CNGB3: variants seen among roughly 807,000 people sequenced by gnomAD.
The protein encoded by CNGB3 is cyclic nucleotide gated channel subunit beta 3.
A neutral mutation model predicts 92.8 loss-of-function variants in CNGB3; 86 were observed. That is an observed-to-expected ratio of 0.93 (90% CI 0.78 to 1.11). The LOEUF is 1.11. Ranked by LOEUF, CNGB3 falls within the 50% of genes least tolerant of loss-of-function variation. The pLI is 0.00. For missense variants in CNGB3, 1,026 were observed against 956.8 expected (o/e 1.07, Z -0.95); for synonymous variants, 333 against 332.7 (o/e 1.00, Z -0.01).
At chr8:86,586,215 C>G (rs188943450) in intron 15 of CNGB3, among the ~76,000 whole-genome samples, 1 of 152,180 alleles carries the variant, frequency 6.6e-6, no homozygotes, top group Non-Finnish European at 1.5e-5. Context: ...TGATTAACAC[C>G]TGCCCTCAAG....
rs1241473966 is a variant in CNGB3, at chr8:86,729,466, T to C, written c.212-2809A>G. ...TAGCTATTACCAAGCCTTTCTAAAT[T>C]GATCCTGCCTCTATTTTGACAAGCC... On this transcript the variant is annotated intron_variant, in intron 2 of 17. Coordinates refer to ENST00000320005, the MANE Select transcript of CNGB3 (RefSeq NM_019098.5). Among the ~76,000 whole-genome samples, 4 of 152,352 alleles carry C rather than the reference T, an allele frequency of 2.6e-5. No individual in the cohort carries two copies. The East Asian group carries it at 7.7e-4, about 29-fold the overall frequency.
chr8:86,699,442 G>A (rs1415664902), intron 3 of CNGB3, among the ~76,000 whole-genome samples: 1 of 152,050 alleles, frequency 6.6e-6, no homozygotes, highest in Non-Finnish European at 1.5e-5. Flanking sequence ...TTTGAGACCA[G>A]CCTGGGCAAC....
intron 3 of CNGB3, among the ~76,000 whole-genome samples, chr8:86,718,901 C>T (rs771673457): frequency 8.6e-5 from 13 of 151,914 alleles, no homozygotes; most frequent in Non-Finnish European, 1.3e-4. Context: ...ATCACATAAA[C>T]GGGATTAAAA....
At chr8:86,718,492 C>T (rs746343278) in intron 3 of CNGB3, among the ~76,000 whole-genome samples, 6 of 151,928 alleles carry the variant, frequency 3.9e-5, no homozygotes, top group Non-Finnish European at 8.8e-5. Flanking sequence ...TCTGAACAGA[C>T]CAATAACAAG....
chr8:86,723,461 T>C (rs1825008874), intron 3 of CNGB3, among the ~76,000 whole-genome samples: 1 of 152,156 alleles, frequency 6.6e-6, no homozygotes, highest in East Asian at 1.9e-4. Context: ...AAAGGTGACC[T>C]TTTACTCATC....
At chr8:86,708,137 A>G (rs1448561962) in intron 3 of CNGB3, 2 of 152,256 alleles carry the variant, frequency 1.3e-5, no homozygotes, top group Non-Finnish European at 2.9e-5. Context: ...TTTGGGAACC[A>G]TCAGGGTATC....
At chr8:86,630,235 C>G (rs1263674008) in intron 11 of CNGB3, among the ~76,000 whole-genome samples, 1 of 152,074 alleles carries the variant, frequency 6.6e-6, no homozygotes, top group Non-Finnish European at 1.5e-5. Flanking sequence ...CTTTTCCATG[C>G]TGTTCTTGGC....
intron 13 of CNGB3, among the ~76,000 whole-genome samples, chr8:86,625,465 A>C (rs1480048005): frequency 6.6e-6 from 1 of 152,200 alleles, no homozygotes; most frequent in Non-Finnish European, 1.5e-5. Flanking sequence ...AATACTTAAA[A>C]CACTCAAAAA....
Position 86,664,466 on chromosome 8 carries a change from G to C in CNGB3, c.852+2459C>G, listed in dbSNP as rs147263064. On this transcript the variant is annotated intron_variant, in intron 6 of 17. Coordinates refer to ENST00000320005, the MANE Select transcript of CNGB3 (RefSeq NM_019098.5). The stretch of plus-strand genomic sequence containing the variant: ...TCTGTGCAGCCCTTGCTGAGCCTTG[G>C]GAGGAGGATGGCACATTGGCCACAG... Among the ~76,000 whole-genome samples, 17 of 152,308 alleles carry C rather than the reference G, an allele frequency of 1.1e-4. No individual in the cohort carries two copies. The East Asian group carries it at 3.3e-3, about 29-fold the overall frequency.
At position 86,689,782 on chromosome 8, in the gene CNGB3, A is replaced by G. The variant is rs536436246; in HGVS notation, c.339-18684T>C. Among the ~76,000 whole-genome samples the G allele has an allele frequency of 8.6e-5, 13 of 151,976 alleles. 1 individual carries two copies. In the South Asian group the frequency reaches 1.5e-3, roughly 17 times the overall value. ...TGTGTCCAAGTGTTCTCATTGTTCA[A>G]TTCCCACCTGTTGTGTGAGAACATG... On this transcript the variant is annotated intron_variant, in intron 3 of 17. Coordinates refer to ENST00000320005, the MANE Select transcript of CNGB3 (RefSeq NM_019098.5).
intron 12 of CNGB3, among the ~76,000 whole-genome samples, 185 bp downstream of exon 12, chr8:86,628,734 C>A: frequency 6.6e-6 from 1 of 150,556 alleles, no homozygotes; most frequent in Admixed American, 6.6e-5. Flanking sequence ...CCAAGGTTTT[C>A]AAAACCAGTA....
chr8:86,628,198 G>C (rs1822886342), intron 12 of CNGB3, among the ~76,000 whole-genome samples: 1 of 152,060 alleles, frequency 6.6e-6, no homozygotes, highest in South Asian at 2.1e-4. Flanking sequence ...ACAGAATCTG[G>C]CTCTGTTGCC....
chr8:86,702,876 G>T (rs1466328054), intron 3 of CNGB3, among the ~76,000 whole-genome samples: 2 of 151,884 alleles, frequency 1.3e-5, no homozygotes, highest in East Asian at 1.9e-4. Context: ...TAAAATAGGA[G>T]AGTTTTTATT....
chr8:86,699,158 T>C (rs1824505257), intron 3 of CNGB3, among the ~76,000 whole-genome samples: 1 of 152,206 alleles, frequency 6.6e-6, no homozygotes, highest in South Asian at 2.1e-4. Flanking sequence ...GGATTTTTCT[T>C]CTGAAAGCAT....
At chr8:86,675,154 G>T (rs1454096160) in intron 3 of CNGB3, among the ~76,000 whole-genome samples, 3 of 151,988 alleles carry the variant, frequency 2.0e-5, no homozygotes, top group Non-Finnish European at 4.4e-5. Context: ...TAGACACAGG[G>T]TTTCATCATG....
At chr8:86,713,912 C>T (rs955621347) in intron 3 of CNGB3, among the ~76,000 whole-genome samples, 2 of 152,146 alleles carry the variant, frequency 1.3e-5, no homozygotes, top group African/African-American at 4.8e-5. Context: ...TGAAGGTATA[C>T]AGATTTCTCA....
intron 15 of CNGB3, among the ~76,000 whole-genome samples, chr8:86,588,866 G>A (rs1020356031): frequency 1.6e-4 from 24 of 151,942 alleles, no homozygotes; most frequent in African/African-American, 5.6e-4. Flanking sequence ...ATGAGTTAGA[G>A]AGGATTCCCT....
At chr8:86,579,033 G>C in intron 16 of CNGB3, 73 bp downstream of exon 16, 1 of 1,582,706 alleles carries the variant, frequency 6.3e-7, no homozygotes, top group East Asian at 2.2e-5. Flanking sequence ...ATCATAATAC[G>C]GTTCTCCCTA....
At chr8:86,584,118 AC>A (rs967694859) in intron 15 of CNGB3, among the ~76,000 whole-genome samples, 4 of 152,288 alleles carry the variant, frequency 2.6e-5, no homozygotes, top group African/African-American at 9.6e-5. Flanking sequence ...AATAAATTTT[AC>A]CCCATCTATC....
Sources: allele counts gnomAD v4.1 joint callset (sites outside exome capture counted in the v4.1 genomes callset), GRCh38; gene constraint gnomAD v4.1.1; transcripts MANE v1.5; gene names NCBI Gene and HGNC (gene_info 2026-07-23, HGNC 2026-07-21).